SKIC3: variants seen among roughly 807,000 people sequenced by gnomAD.
The protein encoded by SKIC3 is superkiller complex protein 3.
chr5:95,516,149 G>A, the SKIC3 span, among the ~76,000 whole-genome samples: 1 of 152,060 alleles, frequency 6.6e-6, no homozygotes, highest in Non-Finnish European at 1.5e-5. Context: ...GAAGTTTCTT[G>A]AAGGTCATAA....
the SKIC3 span, among the ~76,000 whole-genome samples, chr5:95,510,099 CAA>C: frequency 2.6e-5 from 4 of 152,018 alleles, no homozygotes; most frequent in Non-Finnish European, 5.9e-5. Context: ...AAAAAAATAA[CAA>C]AGTCAGTATT....
the SKIC3 span, among the ~76,000 whole-genome samples, chr5:95,552,041 A>T: frequency 6.6e-6 from 1 of 152,178 alleles, no homozygotes; most frequent in Admixed American, 6.5e-5. Flanking sequence ...CAAGAAGTAA[A>T]CTTCTTACCT....
the SKIC3 span, among the ~76,000 whole-genome samples, chr5:95,535,185 C>T: frequency 6.6e-6 from 1 of 151,970 alleles, no homozygotes; most frequent in Non-Finnish European, 1.5e-5. Flanking sequence ...ACTCACTATA[C>T]TTTTTATGTT....
chr5:95,521,238 A>G, the SKIC3 span: 1 of 156,294 alleles, frequency 6.4e-6, no homozygotes, highest in Non-Finnish European at 1.4e-5. Flanking sequence ...TAAATGAAAT[A>G]GTGATTACCT....
the SKIC3 span, among the ~76,000 whole-genome samples, chr5:95,525,096 C>T: frequency 2.6e-5 from 4 of 152,032 alleles, no homozygotes; most frequent in Non-Finnish European, 2.9e-5. Flanking sequence ...GTTGCCCAGG[C>T]TGGTCTTGAA....
the SKIC3 span, among the ~76,000 whole-genome samples, chr5:95,498,058 A>C: frequency 6.6e-6 from 1 of 152,174 alleles, no homozygotes; most frequent in Non-Finnish European, 1.5e-5. Flanking sequence ...TAAAACCATC[A>C]ATCTAGACAG....
the SKIC3 span, among the ~76,000 whole-genome samples, chr5:95,545,132 C>A: frequency 6.6e-6 from 1 of 152,148 alleles, no homozygotes; most frequent in Non-Finnish European, 1.5e-5. Context: ...AGAAAGTCTA[C>A]AGGAAGAAGA....
At chr5:95,536,685 ACTT>A in the SKIC3 span, 2 of 776,492 alleles carry the variant, frequency 2.6e-6, no homozygotes, top group South Asian at 1.4e-5. Context: ...TACACATTAT[ACTT>A]CTTTTTATGT....
chr5:95,522,317 A>T, the SKIC3 span: 1 of 1,612,784 alleles, frequency 6.2e-7, no homozygotes, highest in South Asian at 1.1e-5. Flanking sequence ...ACTAAAATTT[A>T]AAAAACCGTA....
chr5:95,513,498 T>G, the SKIC3 span: 1 of 1,511,756 alleles, frequency 6.6e-7, no homozygotes, highest in Non-Finnish European at 9.2e-7. Flanking sequence ...TAGCCCAATA[T>G]CTATTCATTC....
chr5:95,493,022 A>G, the SKIC3 span, among the ~76,000 whole-genome samples: 2 of 152,348 alleles, frequency 1.3e-5, no homozygotes, highest in South Asian at 2.1e-4. Flanking sequence ...CTTGCTAAAG[A>G]TAACTTTTAG....
the SKIC3 span, among the ~76,000 whole-genome samples, chr5:95,471,812 T>C: frequency 0.25 from 38,320 of 152,114 alleles, 6,553 homozygotes; most frequent in African/African-American, 0.48. Flanking sequence ...TTTTTCTCAA[T>C]CTGGCTTTAG....
At chr5:95,553,973 G>C in the SKIC3 span, among the ~76,000 whole-genome samples, 1 of 152,232 alleles carries the variant, frequency 6.6e-6, no homozygotes, top group Admixed American at 6.5e-5. Flanking sequence ...TTACGGCACA[G>C]ACTCTTCAAT....
At chr5:95,529,908 G>A in the SKIC3 span, among the ~76,000 whole-genome samples, 8 of 151,688 alleles carry the variant, frequency 5.3e-5, no homozygotes, top group African/African-American at 1.9e-4. Flanking sequence ...ACTCTTCTGA[G>A]GTCTTGAAAT....
chr5:95,521,024 C>T, the SKIC3 span, among the ~76,000 whole-genome samples: 1 of 151,952 alleles, frequency 6.6e-6, no homozygotes, highest in African/African-American at 2.4e-5. Context: ...TAAACATGCA[C>T]TAGAAGTTAT....
At chr5:95,508,489 C>A in the SKIC3 span, among the ~76,000 whole-genome samples, 1 of 152,192 alleles carries the variant, frequency 6.6e-6, no homozygotes, top group African/African-American at 2.4e-5. Flanking sequence ...TTCTCCACTT[C>A]TCTTGCTGTT....
chr5:95,519,511 G>C, the SKIC3 span, among the ~76,000 whole-genome samples: 1 of 151,836 alleles, frequency 6.6e-6, no homozygotes, highest in Non-Finnish European at 1.5e-5. Flanking sequence ...GAGTTCCTTT[G>C]CCTAAATATC....
At chr5:95,544,050 A>G in the SKIC3 span, among the ~76,000 whole-genome samples, 2 of 152,220 alleles carry the variant, frequency 1.3e-5, no homozygotes, top group Admixed American at 6.5e-5. Context: ...GAACATTTCC[A>G]TGAGTTAAGC....
At chr5:95,553,463 T>C in the SKIC3 span, among the ~76,000 whole-genome samples, 3 of 152,372 alleles carry the variant, frequency 2.0e-5, no homozygotes, top group Admixed American at 6.5e-5. Context: ...CCCACTTGTA[T>C]TACCTTCCGT....
Sources: allele counts gnomAD v4.1 joint callset (sites outside exome capture counted in the v4.1 genomes callset), GRCh38; gene constraint gnomAD v4.1.1; transcripts MANE v1.5; gene names NCBI Gene and HGNC (gene_info 2026-07-23, HGNC 2026-07-21).